Variants in LRP5 observed in about 807,000 individuals in gnomAD.
LRP5 encodes LDL receptor related protein 5.
LRP5 carries 62 observed loss-of-function variants against 154.1 expected under a neutral mutation model. The ratio of observed to expected loss-of-function variants is 0.40; its 90% confidence interval spans 0.33 to 0.50. LRP5 has a LOEUF of 0.50. LRP5 is among the 20% of genes least tolerant of loss of function. The pLI, the probability that LRP5 is intolerant of heterozygous loss-of-function variation, is 0.55. For missense variants in LRP5, 1,915 were observed against 2,336.7 expected (o/e 0.82, Z 3.72); for synonymous variants, 966 against 1,011.5 (o/e 0.96, Z 0.85).
intron 1 of LRP5, among the ~76,000 whole-genome samples, chr11:68,319,721 GC>G (rs1465885596): frequency 1.3e-5 from 2 of 152,134 alleles, no homozygotes; most frequent in Non-Finnish European, 2.9e-5. Context: ...GTACACAGGT[GC>G]ACTTGACAGC....
At chr11:68,441,952 A>G (rs934753077) in intron 21 of LRP5, among the ~76,000 whole-genome samples, 1 of 152,236 alleles carries the variant, frequency 6.6e-6, no homozygotes, top group Non-Finnish European at 1.5e-5. Flanking sequence ...ACAAAATTCA[A>G]AAGATACAGA....
In LRP5 at chr11:68,386,843, C is replaced by G. The variant is rs1255253000; in HGVS notation, c.1412+131C>G. 5.4e-6 allele frequency: 6 copies of G among 1,106,488 alleles called. No individual in the cohort carries two copies. The highest frequency in any genetic ancestry group is 1.6e-5 in the African/African-American group (1 of 63,706). The allele number at this position is 1,106,488 out of a possible 1,614,324, so 68.5% of individuals were successfully genotyped here. A position where few individuals can be genotyped will look rare whatever the true frequency, so the allele number is the denominator to read the frequency against. On this transcript the variant is annotated intron_variant, in intron 6 of 22. Transcript: ENST00000294304. This position sits in a 1 kb window ranked among gnomAD's most constrained non-coding sequence, Gnocchi z 7.9. ...CCCGGAGGAGGGCTTGTTAAAACAC[C>G]GGCAGCTGGGCCCCACCCCCAGAGC... is the stretch of plus-strand genomic sequence containing the variant.
At chr11:68,324,103 G>A (rs552832431) in intron 1 of LRP5, among the ~76,000 whole-genome samples, 40 of 152,364 alleles carry the variant, frequency 2.6e-4, no homozygotes, top group African/African-American at 8.9e-4. Context: ...CGCTGCGTCT[G>A]CCTCTTAGAG....
chr11:68,309,205 T>C (rs2153109208), upstream of LRP5, among the ~76,000 whole-genome samples: 1 of 150,504 alleles, frequency 6.6e-6, no homozygotes, highest in Middle Eastern at 3.5e-3. Context: ...AGTGCTGGGA[T>C]TACAGGCATG....
At chr11:68,331,479 C>T (rs1221063595) in intron 1 of LRP5, among the ~76,000 whole-genome samples, 3 of 152,250 alleles carry the variant, frequency 2.0e-5, no homozygotes, top group Non-Finnish European at 2.9e-5. Flanking sequence ...CCCAGCTCTG[C>T]GGTGGAGCAG....
chr11:68,391,261 G>A (rs937180727), intron 7 of LRP5, among the ~76,000 whole-genome samples: 6 of 151,996 alleles, frequency 3.9e-5, no homozygotes, highest in African/African-American at 1.4e-4. Context: ...GAGCCACCGC[G>A]CCCAGCCTCT....
intron 16 of LRP5, among the ~76,000 whole-genome samples, chr11:68,426,435 T>G (rs1444148597): frequency 6.6e-6 from 1 of 151,574 alleles, no homozygotes; most frequent in East Asian, 1.9e-4. Flanking sequence ...TTTTTTTTTT[T>G]TTTTTTTGAG....
intron 21 of LRP5, among the ~76,000 whole-genome samples, chr11:68,444,348 C>G (rs1182829997): frequency 6.6e-6 from 1 of 152,066 alleles, no homozygotes; most frequent in Admixed American, 6.5e-5. Flanking sequence ...AACCCCATCT[C>G]TACTAAAAAT....
chr11:68,337,800 G>A (rs2098606536), intron 1 of LRP5, among the ~76,000 whole-genome samples: 1 of 151,390 alleles, frequency 6.6e-6, no homozygotes, highest in South Asian at 2.1e-4. Flanking sequence ...CAACAGCCAG[G>A]TGTACCCATA....
chr11:68,394,011 A>C (rs993201448), intron 7 of LRP5, among the ~76,000 whole-genome samples: 3 of 152,120 alleles, frequency 2.0e-5, no homozygotes, highest in African/African-American at 7.2e-5. Context: ...CACAGCGAGC[A>C]GGGGGTCTCT....
At chr11:68,321,784 C>T (rs962919412) in intron 1 of LRP5, among the ~76,000 whole-genome samples, 2 of 152,218 alleles carry the variant, frequency 1.3e-5, no homozygotes, top group African/African-American at 4.8e-5. Context: ...CCTTTCATTT[C>T]TTCCTTGGGA....
chr11:68,413,962 G>A lies in LRP5; in HGVS notation c.2777G>A (p.Cys926Tyr). 6.2e-7 allele frequency: 1 copy of A among 1,607,644 alleles called. No individual in the cohort carries two copies. The highest frequency in any genetic ancestry group is 8.5e-7 in the Non-Finnish European group (1 of 1,179,976). The stretch of plus-strand genomic sequence containing the variant: ...CTTGCCATCCCCGGCGGCCACCGCT[G>A]CGGCTGCGCCTCACACTACACCCTG... ...LCLAIPGGHR[C>Y]GCASHYTLDP... The change falls in exon 12 of 23, where the codon TGC (cysteine) becomes TAC (tyrosine). Residue 926 changes from cysteine (C) to tyrosine (Y), a missense_variant. This residue lies in a region of LRP5 where 1,094 missense variants were observed against 1,210.1 expected (regional missense o/e 0.90). Coordinates refer to ENST00000294304, the MANE Select transcript of LRP5 (RefSeq NM_002335.4). The surrounding 1 kb of genome is among the most constrained non-coding windows in gnomAD (Gnocchi z 5.1).
In LRP5 at chr11:68,423,729, C is replaced by G; in HGVS notation, c.3236+32C>G. The stretch of plus-strand genomic sequence containing the variant: ...GGCCAACGGGTGGGTGGGGGTGCTG[C>G]CCGTCCAGGCGTGCCCGCCGTGTCT... On this transcript the variant is annotated intron_variant, in intron 14 of 22. Coordinates refer to ENST00000294304, the MANE Select transcript of LRP5 (RefSeq NM_002335.4). The surrounding 1 kb of genome is among the most constrained non-coding windows in gnomAD (Gnocchi z 4.7). The G allele has an allele frequency of 6.3e-7, 1 of 1,585,058 alleles. No individual in the cohort carries two copies. The highest frequency in any genetic ancestry group is 1.1e-5 in the South Asian group (1 of 90,336).
intron 7 of LRP5, among the ~76,000 whole-genome samples, chr11:68,395,821 G>T (rs1184618189): frequency 6.6e-6 from 1 of 152,164 alleles, no homozygotes; most frequent in Non-Finnish European, 1.5e-5. Flanking sequence ...TGTGTTTTCT[G>T]CTGGAGTTTG....
At chr11:68,381,791 C>T (rs1407099412) in intron 5 of LRP5, among the ~76,000 whole-genome samples, 1 of 152,246 alleles carries the variant, frequency 6.6e-6, no homozygotes, top group Non-Finnish European at 1.5e-5. Flanking sequence ...TAGCCCGGCA[C>T]AGTCAGTCCC....
rs773347136 is a variant in LRP5 at position 68,423,743 on chromosome 11, C to A, written c.3236+46C>A. 2.1e-5 allele frequency: 32 copies of A among 1,552,392 alleles called. No homozygotes were observed. Among genetic ancestry groups the A allele is most frequent in the Non-Finnish European group, 2.7e-5 (31 of 1,142,122 alleles). ...TGGGGGTGCTGCCCGTCCAGGCGTG[C>A]CCGCCGTGTCTTCTGCCGAATGCCA... is the stretch of plus-strand genomic sequence containing the variant. On this transcript the variant is annotated intron_variant, in intron 14 of 22. Transcript: ENST00000294304. The surrounding 1 kb of genome is among the most constrained non-coding windows in gnomAD (Gnocchi z 4.7).
chr11:68,352,545 A>G (rs535338698), intron 2 of LRP5, among the ~76,000 whole-genome samples: 67 of 152,174 alleles, frequency 4.4e-4, no homozygotes, highest in African/African-American at 1.6e-3. Context: ...GGAGGTGATC[A>G]GTCGGGAGGT....
chr11:68,381,467 G>T (rs1212840741), intron 5 of LRP5, among the ~76,000 whole-genome samples: 1 of 152,088 alleles, frequency 6.6e-6, no homozygotes, highest in African/African-American at 2.4e-5. Context: ...AAGGCTGCCT[G>T]CCAGGAAGCT....
intron 5 of LRP5, among the ~76,000 whole-genome samples, chr11:68,380,653 C>T (rs1591254639): frequency 1.3e-5 from 2 of 152,178 alleles, no homozygotes; most frequent in African/African-American, 4.8e-5. Context: ...GGGCTGGGCT[C>T]GGAGCTGCAC....
Sources: gnomAD v4.1 joint callset for allele counts (sites outside exome capture counted in the v4.1 genomes callset) on GRCh38, gnomAD v4.1.1 for gene constraint, gnomAD v4.1.1 regional missense constraint, Gnocchi (gnomAD v3.1) non-coding constraint, MANE v1.5 for transcripts, NCBI Gene and HGNC (gene_info 2026-07-23, HGNC 2026-07-21) for gene names.